Variants in KIAA1614 observed in about 807,000 individuals in gnomAD.
KIAA1614 encodes the protein uncharacterized protein KIAA1614.
KIAA1614 carries 76 observed loss-of-function variants against 88.7 expected under a neutral mutation model. The observed-to-expected ratio is 0.86, with a 90% confidence interval of 0.71 to 1.04. The LOEUF is 1.04. Ranked by LOEUF, KIAA1614 falls within the 50% of genes least tolerant of loss-of-function variation. The probability of loss-of-function intolerance (pLI) is 0.00; values close to 1 mark genes in which losing one functional copy is unlikely to be tolerated. For missense variants in KIAA1614, 1,553 were observed against 1,582.5 expected (o/e 0.98, Z 0.32); for synonymous variants, 714 against 675.5 (o/e 1.06, Z -0.88).
In KIAA1614 at chr1:180,943,548, A is replaced by T. The variant is rs1424425411; in HGVS notation, c.3160-841A>T. ...GGATTGTAGGATTGAATGGTAGTAG[A>T]TCTTTTTTTTTTTTTTTTGAGACAG... is the stretch of plus-strand genomic sequence containing the variant. On this transcript the variant is annotated intron_variant, in intron 7 of 8. Transcript: ENST00000367588. 5.2e-4 allele frequency among the ~76,000 whole-genome samples: 39 copies of T among 74,876 alleles called. 1 individual carries two copies. The highest frequency in any genetic ancestry group is 7.7e-4 in the East Asian group (2 of 2,592). The allele number at this position is 74,876 out of a possible 152,430, so 49.1% of individuals were successfully genotyped here.
chr1:180,916,976 G>A lies in KIAA1614; in HGVS notation c.873G>A (p.Leu291=), dbSNP rs989312400. 6.2e-7 allele frequency: 1 copy of A among 1,614,196 alleles called. No homozygotes were observed. The highest frequency in any genetic ancestry group is 8.5e-7 in the Non-Finnish European group (1 of 1,180,050). ...LEALGAGSSV[L]SLSDRVERNR... is the part of the protein sequence containing the mutation. ...CTCTGGGCGCTGGGAGCAGTGTCTT[G>A]TCCCTGTCTGATCGGGTGGAGAGAA... is the stretch of plus-strand genomic sequence containing the variant. Residue 291 remains leucine (L), a synonymous_variant, in exon 2 of 9, where the codon TTG becomes TTA. Coordinates refer to ENST00000367588, the MANE Select transcript of KIAA1614 (RefSeq NM_020950.2).
chr1:180,924,892 T>TAATAATAATAATAATAATAATAAC lies in KIAA1614; in HGVS notation c.1062-3521_1062-3520insTAATAACAATAATAATAATAATAA, dbSNP rs1243019181. On this transcript the variant is annotated intron_variant, in intron 3 of 8. Coordinates refer to ENST00000367588, the MANE Select transcript of KIAA1614 (RefSeq NM_020950.2). Reference sequence around the variant, plus strand: ...AACAATGGTGCTAATGATAAAATAATAATAATAATAATAATAAATGCTAAC... The same window carrying TAATAATAATAATAATAATAATAAC: ...AACAATGGTGCTAATGATAAAATAATAATAATAATAATAATAATAATAACAATAATAATAATAATAAATGCTAAC... 5.4e-4 allele frequency among the ~76,000 whole-genome samples: 80 copies of TAATAATAATAATAATAATAATAAC among 148,448 alleles called. 1 individual carries two copies. The East Asian group carries it at 0.015, about 27-fold the overall frequency.
intron 7 of KIAA1614, among the ~76,000 whole-genome samples, chr1:180,941,949 TC>T (rs1654477455): frequency 6.6e-6 from 1 of 152,102 alleles, no homozygotes; most frequent in Admixed American, 6.5e-5. Flanking sequence ...GGGCTCTTTC[TC>T]CCACCTTCCC....
chr1:180,943,038 T>TTTTGTTTGTTTG lies in KIAA1614; in HGVS notation c.3160-1348_3160-1347insGTTTGTTTGTTT, dbSNP rs1553260086. 5.8e-4 allele frequency among the ~76,000 whole-genome samples: 86 copies of TTTTGTTTGTTTG among 149,442 alleles called. 1 individual carries two copies. Among genetic ancestry groups the TTTTGTTTGTTTG allele is most frequent in the Admixed American group, 9.9e-4 (15 of 15,096 alleles). ...GGCTTAGTTTTTTGGGTTTTTTTTT[T>TTTTGTTTGTTTG]TTTTTTAAGATGGAGTCTCACTCTG... On this transcript the variant is annotated intron_variant, in intron 7 of 8. Transcript: ENST00000367588.
chr1:180,942,930 A>G (rs1033604966), intron 7 of KIAA1614, among the ~76,000 whole-genome samples: 8 of 152,186 alleles, frequency 5.3e-5, no homozygotes, highest in African/African-American at 1.7e-4. Flanking sequence ...AGATAAAGGA[A>G]GAATCTGTCT....
rs111709771 is a variant in KIAA1614 at position 180,928,504 on chromosome 1, G to T, written c.1136G>T (p.Arg379Leu). ...GCCACGCATCTGCTGCAGCGTGCCCGCATGAAGGCCAGGACCCGGCCCCTC... is the reference window on the plus strand; with the variant it reads ...GCCACGCATCTGCTGCAGCGTGCCCTCATGAAGGCCAGGACCCGGCCCCTC... ...EEATHLLQRA[R>L]MKARTRPLRA... The change falls in exon 4 of 9, where the codon CGC (arginine) becomes CTC (leucine). Residue 379 changes from arginine (R) to leucine (L), a missense_variant. Physicochemically the swap from Arg to Leu is moderately radical, Grantham distance 102 (BLOSUM62 -2). Coordinates refer to ENST00000367588, the MANE Select transcript of KIAA1614 (RefSeq NM_020950.2). The T allele has an allele frequency of 6.2e-7, 1 of 1,613,050 alleles. No individual in the cohort carries two copies. Among genetic ancestry groups the T allele is most frequent in the South Asian group, 1.1e-5 (1 of 91,056 alleles).
At chr1:180,922,858 C>T (rs1006693928) in intron 3 of KIAA1614, among the ~76,000 whole-genome samples, 1 of 152,124 alleles carries the variant, frequency 6.6e-6, no homozygotes, top group African/African-American at 2.4e-5. Flanking sequence ...GTTGAGGGCT[C>T]AGTTCCACAA....
chr1:180,929,211 T>C (rs900778913), intron 4 of KIAA1614, among the ~76,000 whole-genome samples: 11 of 152,340 alleles, frequency 7.2e-5, no homozygotes, highest in African/African-American at 2.6e-4. Context: ...TGTGAGCTAA[T>C]ACGTGTCAAG....
intron 4 of KIAA1614, among the ~76,000 whole-genome samples, chr1:180,930,619 A>T (rs1457287910): frequency 6.6e-6 from 1 of 152,194 alleles, no homozygotes; most frequent in Non-Finnish European, 1.5e-5. Context: ...GTCCTCTTGG[A>T]CACTTCTTCC....
Position 180,916,137 on chromosome 1 carries a change from T to C in KIAA1614, c.51-17T>C. ...CCTGTGCTGGGTCTTAGGAACTCTG[T>C]CTGTTTTCTCCTCCAGAGGGCCCAA... On this transcript the variant is annotated splice_polypyrimidine_tract_variant and intron_variant, in intron 1 of 8. Transcript: ENST00000367588. 6.5e-7 allele frequency: 1 copy of C among 1,527,496 alleles called. No homozygotes were observed. Among genetic ancestry groups the C allele is most frequent in the Non-Finnish European group, 8.8e-7 (1 of 1,138,600 alleles). The allele number at this position is 1,527,496 out of a possible 1,614,324, so 94.6% of individuals were successfully genotyped here.
Position 180,935,366 on chromosome 1 carries a change from GC to G in KIAA1614, c.1462del (p.Leu488CysfsTer89). On this transcript the variant is annotated frameshift_variant, in exon 5 of 9. Coordinates refer to ENST00000367588, the MANE Select transcript of KIAA1614 (RefSeq NM_020950.2). LOFTEE classifies it high-confidence loss of function. This position sits in a 1 kb window ranked among gnomAD's most constrained non-coding sequence, Gnocchi z 6.1. The stretch of plus-strand genomic sequence containing the variant: ...ACCGTGTTGCAGGCCGCGGACCAGG[GC>G]CCCCTGCGCTCCAAGCCCGACCTCG... ...LSTVLQAADQ[G>X]PLRSKPDLAD... 2 of 1,463,642 alleles carry G rather than the reference GC, an allele frequency of 1.4e-6. No individual in the cohort carries two copies. The highest frequency in any genetic ancestry group is 2.5e-5 in the Admixed American group (1 of 39,348). The allele number at this position is 1,463,642 out of a possible 1,614,324, so 90.7% of individuals were successfully genotyped here. A position where few individuals can be genotyped will look rare whatever the true frequency, so the allele number is the denominator to read the frequency against.
intron 5 of KIAA1614, among the ~76,000 whole-genome samples, chr1:180,937,778 CG>C (rs1237146191): frequency 2.6e-5 from 4 of 152,168 alleles, no homozygotes; most frequent in Non-Finnish European, 1.5e-5. Context: ...TTGAGGCAAC[CG>C]CCTCCCCCTG....
chr1:180,914,550 T>C (rs965061110), intron 1 of KIAA1614, among the ~76,000 whole-genome samples: 3 of 152,136 alleles, frequency 2.0e-5, no homozygotes, highest in African/African-American at 7.2e-5. Context: ...CTTTCTTTTC[T>C]TTTCTTTTCT....
chr1:180,913,377 C>G, intron 1 of KIAA1614, 84 bp downstream of exon 1: 7 of 947,886 alleles, frequency 7.4e-6, no homozygotes, highest in Non-Finnish European at 8.3e-6. Context: ...CCAGGTCGCC[C>G]CGGCCACTGG....
At chr1:180,921,031 G>A (rs529109367) in intron 3 of KIAA1614, among the ~76,000 whole-genome samples, 2 of 152,058 alleles carry the variant, frequency 1.3e-5, no homozygotes, top group Admixed American at 6.5e-5. Flanking sequence ...TTTCACGCAC[G>A]TCCGTGTGAA....
chr1:180,916,758 G>T lies in KIAA1614; in HGVS notation c.655G>T (p.Gly219Ter), dbSNP rs751935725. The T allele has an allele frequency of 1.2e-6, 2 of 1,614,178 alleles. No individual in the cohort carries two copies. Among genetic ancestry groups the T allele is most frequent in the Non-Finnish European group, 1.7e-6 (2 of 1,180,022 alleles). Residue 219 changes from glycine (G) to a stop codon, truncating the protein, a stop_gained, in exon 2 of 9, where the codon GGA becomes TGA. Transcript: ENST00000367588. LOFTEE classifies it high-confidence loss of function. ...GAGCCCGATCCATGGAGTTACTCCC[G>T]GACGGCCTGGGGGTCCTGGTCATTG... Reference protein sequence around the residue: ...QQSPIHGVTPGRPGGPGHCNK... With the variant: ...QQSPIHGVTP
chr1:180,942,840 G>A (rs1654498775), intron 7 of KIAA1614, among the ~76,000 whole-genome samples: 1 of 152,120 alleles, frequency 6.6e-6, no homozygotes, highest in South Asian at 2.1e-4. Context: ...AGAAAGGGAG[G>A]CAGAGCAGGG....
chr1:180,920,208 C>T (rs1161862890), intron 3 of KIAA1614, among the ~76,000 whole-genome samples: 2 of 152,168 alleles, frequency 1.3e-5, no homozygotes, highest in African/African-American at 4.8e-5. Context: ...AAGGTGGTCC[C>T]CAAGACCCTG....
chr1:180,921,950 C>T (rs148067547), intron 3 of KIAA1614, among the ~76,000 whole-genome samples: 351 of 152,312 alleles, frequency 2.3e-3, no homozygotes, highest in Admixed American at 5.6e-3. Flanking sequence ...GCCTTAGGAT[C>T]CCGGTAACCT....
Sources: allele counts gnomAD v4.1 joint callset (sites outside exome capture counted in the v4.1 genomes callset), GRCh38; gene constraint gnomAD v4.1.1; non-coding constraint Gnocchi (gnomAD v3.1); transcripts MANE v1.5; gene names NCBI Gene and HGNC (gene_info 2026-07-23, HGNC 2026-07-21).